The following DLG2 variants were observed in gnomAD, a reference collection of about 807,000 sequenced individuals.
DLG2 encodes the protein disks large homolog 2.
DLG2 carries 45 observed loss-of-function variants against 132.5 expected under a neutral mutation model. The ratio of observed to expected loss-of-function variants is 0.34; its 90% CI spans 0.27 to 0.44. The LOEUF (loss-of-function observed/expected upper bound fraction) is 0.44, where lower values mean the gene tolerates loss of function less well. Ranked by LOEUF, DLG2 falls within the 20% of genes least tolerant of loss-of-function variation. The pLI is 1.00. For synonymous variants in DLG2, 424 were observed against 419.6 expected, an observed-to-expected ratio of 1.01 and a Z score of -0.13; for missense variants, 1,045 against 1,196.9, an observed-to-expected ratio of 0.87 and a Z score of 1.87.
At chr11:84,924,450 T>C (rs1357206268) in intron 6 of DLG2, among the ~76,000 whole-genome samples, 2 of 152,226 alleles carry the variant, frequency 1.3e-5, no homozygotes, top group African/African-American at 4.8e-5. Context: ...TTCTTTAATA[T>C]GCTTTGCATA....
intron 6 of DLG2, among the ~76,000 whole-genome samples, chr11:85,060,968 C>G (rs1593416152): frequency 6.6e-6 from 1 of 151,238 alleles, no homozygotes; most frequent in Non-Finnish European, 1.5e-5. Context: ...GTGGTTTTGA[C>G]TTGCATTTCG....
chr11:85,090,063 G>A (rs2068523098), intron 6 of DLG2, among the ~76,000 whole-genome samples: 1 of 152,170 alleles, frequency 6.6e-6, no homozygotes, highest in Admixed American at 6.5e-5. Context: ...ATGGAGCTAT[G>A]TTCTTTGTCC....
chr11:84,183,810 A>G (rs886456395), intron 8 of DLG2, among the ~76,000 whole-genome samples: 4 of 152,014 alleles, frequency 2.6e-5, no homozygotes, highest in Admixed American at 6.6e-5. Flanking sequence ...CCACCTATGA[A>G]TGAGAACATG....
chr11:84,539,714 T>C (rs2099363553), intron 6 of DLG2, among the ~76,000 whole-genome samples: 1 of 152,168 alleles, frequency 6.6e-6, no homozygotes, highest in South Asian at 2.1e-4. Flanking sequence ...TACGTTAAAG[T>C]TCATTTGGAA....
chr11:83,700,676 A>G (rs988691967), intron 18 of DLG2, among the ~76,000 whole-genome samples: 1 of 152,216 alleles, frequency 6.6e-6, no homozygotes, highest in Non-Finnish European at 1.5e-5. Context: ...AATTTATTCA[A>G]TGTCCTTAAA....
At chr11:84,957,006 G>A (rs1315515540) in intron 6 of DLG2, among the ~76,000 whole-genome samples, 2 of 152,128 alleles carry the variant, frequency 1.3e-5, no homozygotes, top group African/African-American at 4.8e-5. Context: ...GCTTTCAAAT[G>A]CATTGTAATT....
At chr11:85,215,886 G>A (rs1236178308) in intron 4 of DLG2, among the ~76,000 whole-genome samples, 1 of 151,998 alleles carries the variant, frequency 6.6e-6, no homozygotes, top group Non-Finnish European at 1.5e-5. Flanking sequence ...AGAGAAAAAG[G>A]TTTCTTATCC....
chr11:85,109,207 C>T (rs994865592), intron 6 of DLG2, among the ~76,000 whole-genome samples: 6 of 152,060 alleles, frequency 3.9e-5, no homozygotes, highest in Non-Finnish European at 7.4e-5. Context: ...GAAAGCAGAT[C>T]GGTATCTGCT....
intron 7 of DLG2, among the ~76,000 whole-genome samples, chr11:84,381,178 A>C (rs2098748015): frequency 6.6e-6 from 1 of 152,070 alleles, no homozygotes; most frequent in South Asian, 2.1e-4. Flanking sequence ...ACTTTGCTCA[A>C]GAATAAAGAG....
At chr11:83,661,617 T>C (rs988685898) in intron 18 of DLG2, among the ~76,000 whole-genome samples, 1 of 152,108 alleles carries the variant, frequency 6.6e-6, no homozygotes, top group Non-Finnish European at 1.5e-5. Flanking sequence ...ATGACTCTAA[T>C]AGTAGAGCCA....
At chr11:84,519,850 A>G (rs892465615) in intron 7 of DLG2, among the ~76,000 whole-genome samples, 9 of 152,214 alleles carry the variant, frequency 5.9e-5, no homozygotes, top group African/African-American at 2.2e-4. Flanking sequence ...TTCCATAGGA[A>G]GTCCATAGAT....
At chr11:84,688,560 T>C (rs1031573890) in intron 6 of DLG2, among the ~76,000 whole-genome samples, 5 of 152,186 alleles carry the variant, frequency 3.3e-5, no homozygotes, top group Non-Finnish European at 5.9e-5. Flanking sequence ...TGAAGATAAA[T>C]AAAACACAGT....
chr11:85,051,450 A>G (rs187519066), intron 6 of DLG2, among the ~76,000 whole-genome samples: 122 of 152,280 alleles, frequency 8.0e-4, no homozygotes, highest in African/African-American at 2.9e-3. Context: ...TAATTTATCA[A>G]TTCACTCATT....
At chr11:84,933,128 T>C (rs978898083) in intron 6 of DLG2, among the ~76,000 whole-genome samples, 8 of 152,166 alleles carry the variant, frequency 5.3e-5, no homozygotes, top group Non-Finnish European at 1.2e-4. Flanking sequence ...GGCTTTTTTA[T>C]ATATGTTTGT....
rs143227450 is a variant in DLG2 at position 84,578,681 on chromosome 11, C to T, written c.358-43950G>A. ...CAGGCTCATAGGCAGAAGGGACTTG[C>T]CTTGTCTCAGATGAGACTTTGGACC... On this transcript the variant is annotated intron_variant, in intron 6 of 27. Transcript: ENST00000376104. 9.3e-3 allele frequency among the ~76,000 whole-genome samples: 1,418 copies of T among 152,200 alleles called. 20 individuals carry two copies. The highest frequency in any genetic ancestry group is 0.033 in the African/African-American group (1,356 of 41,508).
chr11:84,881,246 T>C (rs1029336298), intron 6 of DLG2, among the ~76,000 whole-genome samples: 2 of 152,122 alleles, frequency 1.3e-5, no homozygotes, highest in African/African-American at 4.8e-5. Flanking sequence ...AGATTTGGTT[T>C]TGAAAATATT....
intron 6 of DLG2, among the ~76,000 whole-genome samples, chr11:84,618,049 A>G (rs1307432483): frequency 4.6e-5 from 7 of 152,110 alleles, no homozygotes; most frequent in Admixed American, 4.6e-4. Context: ...GTGCACTGAA[A>G]CTTAAACGCT....
chr11:84,359,807 T>C (rs1427292171), intron 7 of DLG2, among the ~76,000 whole-genome samples: 3 of 151,948 alleles, frequency 2.0e-5, no homozygotes, highest in Non-Finnish European at 4.4e-5. Flanking sequence ...CTACTATTAA[T>C]CTATTAAGAT....
intron 21 of DLG2, among the ~76,000 whole-genome samples, chr11:83,497,713 G>T (rs1045252305): frequency 7.2e-5 from 11 of 151,726 alleles, no homozygotes; most frequent in African/African-American, 2.7e-4. Context: ...AAATGAGGTG[G>T]CTTAGCTATT....
Sources: allele counts gnomAD v4.1 joint callset (sites outside exome capture counted in the v4.1 genomes callset), GRCh38; gene constraint gnomAD v4.1.1; transcripts MANE v1.5; gene names NCBI Gene and HGNC (gene_info 2026-07-23, HGNC 2026-07-21).